ARHGAP20: variants seen among roughly 807,000 people sequenced by gnomAD.
ARHGAP20 encodes rho GTPase-activating protein 20.
Under a neutral mutation model 73.7 loss-of-function variants are expected in ARHGAP20, and 34 were observed. The ratio of observed to expected loss-of-function variants is 0.46; its 90% CI spans 0.35 to 0.61. The LOEUF is 0.61. Among genes scored for constraint, ARHGAP20 ranks in the 20% least tolerant of loss-of-function variants. The pLI, the probability that ARHGAP20 is intolerant of heterozygous loss-of-function variation, is 0.00. For synonymous variants in ARHGAP20, 523 were observed against 518.2 expected, an observed-to-expected ratio of 1.01 and a Z score of -0.13; for missense variants, 1,314 against 1,420.9, an observed-to-expected ratio of 0.92 and a Z score of 1.21.
At chr11:110,708,716 C>T (rs1219685568) in intron 1 of ARHGAP20, among the ~76,000 whole-genome samples, 2 of 151,904 alleles carry the variant, frequency 1.3e-5, no homozygotes, top group Non-Finnish European at 2.9e-5. Context: ...TTAGTGGTTG[C>T]CTGGGAATGG....
intron 2 of ARHGAP20, among the ~76,000 whole-genome samples, chr11:110,638,599 G>A (rs532954933): frequency 6.6e-6 from 1 of 151,974 alleles, no homozygotes; most frequent in South Asian, 2.1e-4. Flanking sequence ...GTGGGGTGGG[G>A]TGAGCTGGAG....
chr11:110,652,364 A>T (rs763939505), intron 2 of ARHGAP20, among the ~76,000 whole-genome samples: 1 of 152,142 alleles, frequency 6.6e-6, no homozygotes, highest in Non-Finnish European at 1.5e-5. Context: ...CCTATTCAAC[A>T]TAGTATCGGA....
chr11:110,685,424 G>A (rs1015802634), intron 2 of ARHGAP20, among the ~76,000 whole-genome samples: 1 of 151,966 alleles, frequency 6.6e-6, no homozygotes, highest in African/African-American at 2.4e-5. Flanking sequence ...CATGAAAGAT[G>A]TCTGTCACAT....
At chr11:110,593,175 T>G (rs748408112) in intron 9 of ARHGAP20, among the ~76,000 whole-genome samples, 1 of 152,014 alleles carries the variant, frequency 6.6e-6, no homozygotes, top group Non-Finnish European at 1.5e-5. Flanking sequence ...AAACAATAAT[T>G]GAAATTGAGG....
chr11:110,655,103 T>C (rs7925297), intron 2 of ARHGAP20, among the ~76,000 whole-genome samples: 1 of 152,124 alleles, frequency 6.6e-6, no homozygotes, highest in Non-Finnish European at 1.5e-5. Flanking sequence ...GGAAGCTAAG[T>C]AGTCAGCTTT....
In ARHGAP20 at chr11:110,577,204, G is replaced by A; in HGVS notation, c.*2166C>T. On this transcript the variant is annotated 3_prime_UTR_variant, in exon 15 of 15. Coordinates refer to ENST00000683387, the MANE Select transcript of ARHGAP20 (RefSeq NM_001384657.1). ...TACATAACATATGGTAGTAAAATTT[G>A]TCAAGATATATTATACAAACTCAAA... 6.6e-7 allele frequency: 1 copy of A among 1,522,718 alleles called. No homozygotes were observed. Among genetic ancestry groups the A allele is most frequent in the Non-Finnish European group, 8.8e-7 (1 of 1,138,986 alleles). 94.3% of individuals were successfully genotyped at this position (1,522,718 alleles called of 1,614,324 possible).
At chr11:110,619,905 T>C (rs1340462389) in intron 4 of ARHGAP20, among the ~76,000 whole-genome samples, 1 of 152,218 alleles carries the variant, frequency 6.6e-6, no homozygotes, top group African/African-American at 2.4e-5. Flanking sequence ...TTTTCCAAAG[T>C]AAAGCATGAA....
chr11:110,710,460 A>G (rs1397641486), intron 1 of ARHGAP20, among the ~76,000 whole-genome samples: 1 of 152,142 alleles, frequency 6.6e-6, no homozygotes, highest in Non-Finnish European at 1.5e-5. Flanking sequence ...AAAAGAAAAA[A>G]CTGTTCAGAA....
intron 4 of ARHGAP20, among the ~76,000 whole-genome samples, chr11:110,617,655 A>T (rs1325404867): frequency 6.6e-6 from 1 of 152,128 alleles, no homozygotes; most frequent in Non-Finnish European, 1.5e-5. Context: ...TAATGTATGG[A>T]GATTGATTTG....
chr11:110,645,015 CT>C (rs1179363182), intron 2 of ARHGAP20, among the ~76,000 whole-genome samples: 3 of 151,424 alleles, frequency 2.0e-5, no homozygotes, highest in Non-Finnish European at 4.4e-5. Context: ...CTCTCTCTCT[CT>C]TTTATTTTTT....
At chr11:110,584,781 C>T (rs1947577791) in intron 12 of ARHGAP20, among the ~76,000 whole-genome samples, 3 of 151,756 alleles carry the variant, frequency 2.0e-5, no homozygotes, top group South Asian at 4.2e-4. Flanking sequence ...TGCATCCCTG[C>T]CCTGATAGAA....
At chr11:110,648,633 C>T (rs1412139318) in intron 2 of ARHGAP20, among the ~76,000 whole-genome samples, 5 of 151,634 alleles carry the variant, frequency 3.3e-5, no homozygotes, top group South Asian at 2.1e-4. Context: ...TACAGGTGTG[C>T]ACCACCATGC....
At chr11:110,699,238 T>A (rs1054335386) in intron 1 of ARHGAP20, among the ~76,000 whole-genome samples, 1 of 151,952 alleles carries the variant, frequency 6.6e-6, no homozygotes, top group Admixed American at 6.6e-5. Context: ...TGGTCTTGAT[T>A]TCTAATTTTA....
At chr11:110,648,725 C>T (rs1949283382) in intron 2 of ARHGAP20, among the ~76,000 whole-genome samples, 1 of 152,034 alleles carries the variant, frequency 6.6e-6, no homozygotes, top group Non-Finnish European at 1.5e-5. Context: ...TCGAGAGATC[C>T]ACCTGCCTAG....
Position 110,580,393 on chromosome 11 carries a change from T to G in ARHGAP20, c.2553A>C (p.Glu851Asp), listed in dbSNP as rs1237220100. 1 of 1,614,154 alleles carries G rather than the reference T, an allele frequency of 6.2e-7. No individual in the cohort carries two copies. The highest frequency in any genetic ancestry group is 8.5e-7 in the Non-Finnish European group (1 of 1,180,066). The change falls in exon 15 of 15, where the codon GAA becomes GAC. Residue 851 changes from glutamate (E) to aspartate (D), a missense_variant. Around this residue, in one of 3 missense-constraint regions of ARHGAP20, gnomAD observed 641 missense variants for 636.9 expected, o/e 1.01. Transcript: ENST00000683387. ...THRRCSEPNIEDQNRKLTYLR... is the reference protein window; with the variant it reads ...THRRCSEPNIDDQNRKLTYLR... Reference sequence around the variant, plus strand: ...GATAGGTCAGCTTGCGGTTCTGGTCTTCTATGTTGGGCTCTGAGCAGCGCC... The same window carrying G: ...GATAGGTCAGCTTGCGGTTCTGGTCGTCTATGTTGGGCTCTGAGCAGCGCC...
intron 9 of ARHGAP20, among the ~76,000 whole-genome samples, chr11:110,605,469 A>G (rs996213660): frequency 6.6e-6 from 1 of 152,258 alleles, no homozygotes; most frequent in Non-Finnish European, 1.5e-5. Flanking sequence ...TAAATGCATT[A>G]GAGAAGGTTC....
intron 9 of ARHGAP20, among the ~76,000 whole-genome samples, chr11:110,596,742 A>G (rs1947973145): frequency 6.6e-6 from 1 of 152,214 alleles, no homozygotes; most frequent in Non-Finnish European, 1.5e-5. Context: ...GCGATTCCTC[A>G]GGGATCTAGA....
At chr11:110,683,819 T>C (rs1313306671) in intron 2 of ARHGAP20, among the ~76,000 whole-genome samples, 59 of 152,178 alleles carry the variant, frequency 3.9e-4, no homozygotes, top group Admixed American at 3.8e-3. Context: ...TTTTTAACTA[T>C]ACAATTCTCA....
At chr11:110,709,828 G>A (rs1950613967) in intron 1 of ARHGAP20, among the ~76,000 whole-genome samples, 1 of 152,198 alleles carries the variant, frequency 6.6e-6, no homozygotes, top group Non-Finnish European at 1.5e-5. Context: ...ATTTTAAGCA[G>A]GTAAGCAACA....
Sources: gnomAD v4.1 joint callset for allele counts (sites outside exome capture counted in the v4.1 genomes callset) on GRCh38, gnomAD v4.1.1 for gene constraint, gnomAD v4.1.1 regional missense constraint, MANE v1.5 for transcripts, NCBI Gene and HGNC (gene_info 2026-07-23, HGNC 2026-07-21) for gene names.